The following GRM7 variants were observed in gnomAD, a reference collection of about 807,000 sequenced individuals.
The protein encoded by GRM7 is metabotropic glutamate receptor 7.
Under a neutral mutation model 84.5 loss-of-function variants are expected in GRM7, and 35 were observed. That is an observed-to-expected ratio of 0.41 (90% CI 0.32 to 0.55). The LOEUF is 0.55. GRM7 is among the 20% of genes least tolerant of loss of function. GRM7 has a pLI of 0.19. For missense variants in GRM7, 1,003 were observed against 1,194.6 expected (o/e 0.84, Z 2.36); for synonymous variants, 487 against 455.1 (o/e 1.07, Z -0.89).
intron 1 of GRM7, among the ~76,000 whole-genome samples, chr3:6,923,708 G>A (rs1356438055): frequency 6.6e-6 from 1 of 152,096 alleles, no homozygotes; most frequent in African/African-American, 2.4e-5. Context: ...CCCATTCTGT[G>A]AACTTTGCTC....
At chr3:7,734,718 T>A (rs1228326592) in intron 9 of GRM7, among the ~76,000 whole-genome samples, 1 of 152,226 alleles carries the variant, frequency 6.6e-6, no homozygotes, top group Non-Finnish European at 1.5e-5. Flanking sequence ...TCTCCATTGT[T>A]TTATAGTTCA....
chr3:7,335,410 G>A (rs114791414), intron 4 of GRM7, among the ~76,000 whole-genome samples: 6,037 of 151,954 alleles, frequency 0.04, 251 homozygotes, highest in African/African-American at 0.11. Context: ...CAGCAAAAGT[G>A]GTGATAATAA....
At chr3:6,889,339 G>T (rs560753692) in intron 1 of GRM7, among the ~76,000 whole-genome samples, 1 of 152,080 alleles carries the variant, frequency 6.6e-6, no homozygotes, top group African/African-American at 2.4e-5. Context: ...TCCAGTTTTC[G>T]TCCATTCAGT....
intron 1 of GRM7, among the ~76,000 whole-genome samples, chr3:7,009,721 G>A (rs370230084): frequency 6.6e-6 from 1 of 152,280 alleles, no homozygotes; most frequent in East Asian, 1.9e-4. Flanking sequence ...TCAGTTGATA[G>A]AAGTAGCTGT....
At chr3:6,868,654 A>G (rs1281485557) in intron 1 of GRM7, among the ~76,000 whole-genome samples, 3 of 152,194 alleles carry the variant, frequency 2.0e-5, no homozygotes, top group African/African-American at 4.8e-5. Context: ...CCCTTTCTAC[A>G]AACCTCAAGT....
At chr3:7,637,070 G>T (rs1370212817) in intron 8 of GRM7, among the ~76,000 whole-genome samples, 1 of 152,170 alleles carries the variant, frequency 6.6e-6, no homozygotes, top group Non-Finnish European at 1.5e-5. Context: ...TAAAAGAGTG[G>T]TTGGTAGAAA....
At chr3:6,903,762 C>T (rs1696475990) in intron 1 of GRM7, among the ~76,000 whole-genome samples, 1 of 152,146 alleles carries the variant, frequency 6.6e-6, no homozygotes, top group Admixed American at 6.5e-5. Flanking sequence ...TTCTCTTTAA[C>T]CGTATCCTTA....
At chr3:7,104,561 A>G (rs1699233275) in intron 1 of GRM7, among the ~76,000 whole-genome samples, 1 of 151,826 alleles carries the variant, frequency 6.6e-6, no homozygotes, top group Admixed American at 6.6e-5. Context: ...TTCACATCAT[A>G]AGATGGTACA....
chr3:7,315,196 C>T (rs1036765382), intron 4 of GRM7, among the ~76,000 whole-genome samples: 1 of 152,176 alleles, frequency 6.6e-6, no homozygotes, highest in Non-Finnish European at 1.5e-5. Context: ...TAGTTAGGCC[C>T]CTCATAACTG....
At chr3:7,147,765 C>A (rs1287903872) in intron 2 of GRM7, among the ~76,000 whole-genome samples, 1 of 152,128 alleles carries the variant, frequency 6.6e-6, no homozygotes. Flanking sequence ...CTGTGAAGAT[C>A]TGTGAGATTC....
chr3:6,956,480 T>A, intron 1 of GRM7: 2 of 444,694 alleles, frequency 4.5e-6, no homozygotes, highest in South Asian at 3.2e-5. Context: ...TTCATTCATT[T>A]TTTTCTTTTC....
intron 4 of GRM7, among the ~76,000 whole-genome samples, chr3:7,324,739 A>G (rs969341670): frequency 6.6e-6 from 1 of 151,920 alleles, no homozygotes; most frequent in East Asian, 1.9e-4. Flanking sequence ...TTTTTTTTCA[A>G]GTTCCCGGGA....
At position 7,661,794 on chromosome 3, in the gene GRM7, C is replaced by CAAAAAAAAAAAAAAAAA. The variant is rs71043686; in HGVS notation, c.2452-18245_2452-18229dup. On this transcript the variant is annotated intron_variant, in intron 8 of 9. Coordinates refer to ENST00000357716, the MANE Select transcript of GRM7 (RefSeq NM_000844.4). Reference sequence around the variant, plus strand: ...GGGCCACAGAGCGAGGTCTCCGTCTCAAAAAAAAAAAAAAAAAAAAAAAAA... The same window carrying CAAAAAAAAAAAAAAAAA: ...GGGCCACAGAGCGAGGTCTCCGTCTCAAAAAAAAAAAAAAAAAAAAAAAAAAAAAAAAAAAAAAAAAA... Among the ~76,000 whole-genome samples the CAAAAAAAAAAAAAAAAA allele has an allele frequency of 1.4e-3, 40 of 28,202 alleles. 5 individuals are homozygous for CAAAAAAAAAAAAAAAAA. Among genetic ancestry groups the CAAAAAAAAAAAAAAAAA allele is most frequent in the African/African-American group, 4.2e-3 (28 of 6,636 alleles). 18.5% of individuals were successfully genotyped at this position (28,202 alleles called of 152,430 possible).
At chr3:6,874,779 C>A (rs1368085988) in intron 1 of GRM7, among the ~76,000 whole-genome samples, 2 of 152,168 alleles carry the variant, frequency 1.3e-5, no homozygotes, top group South Asian at 4.1e-4. Context: ...CCCTATGACA[C>A]CCTAGCCTCA....
At chr3:7,248,804 G>A (rs1292679270) in intron 2 of GRM7, among the ~76,000 whole-genome samples, 1 of 152,038 alleles carries the variant, frequency 6.6e-6, no homozygotes, top group African/African-American at 2.4e-5. Context: ...GACTTATTTA[G>A]AAGACTAAAT....
At chr3:6,925,902 T>C (rs966833463) in intron 1 of GRM7, among the ~76,000 whole-genome samples, 1 of 152,112 alleles carries the variant, frequency 6.6e-6, no homozygotes, top group African/African-American at 2.4e-5. Context: ...TATTGTAGTG[T>C]TTTTCCTATA....
intron 2 of GRM7, among the ~76,000 whole-genome samples, chr3:7,244,888 G>A (rs1508718): frequency 0.9 from 136,677 of 152,046 alleles, 61,692 homozygotes; most frequent in East Asian, 0.98. Flanking sequence ...AATGACTTAA[G>A]CATAATCATT....
rs1699345827 is a variant in GRM7, at chr3:7,486,985, A to G, written c.1515+25263A>G. ...AGTTAAGTTGTGGTGACTGAAATGTAGATAGGAATATAGACAGTGAAGGTC... is the reference window on the plus strand; with the variant it reads ...AGTTAAGTTGTGGTGACTGAAATGTGGATAGGAATATAGACAGTGAAGGTC... On this transcript the variant is annotated intron_variant, in intron 7 of 9. Transcript: ENST00000357716. This position sits in a 1 kb window ranked among gnomAD's most constrained non-coding sequence, Gnocchi z 5.5. Among the ~76,000 whole-genome samples the G allele has an allele frequency of 6.6e-6, 1 of 152,218 alleles. No homozygotes were observed. The highest frequency in any genetic ancestry group is 2.4e-5 in the African/African-American group (1 of 41,460).
rs73810619 is a variant in GRM7, at chr3:7,408,704, C to T, written c.1034-6319C>T. On this transcript the variant is annotated intron_variant, in intron 4 of 9. Transcript: ENST00000357716. ...ACCTGTAACACTGCGCAAATGCTAG[C>T]GGGGCTACCTGCGGAACATGTCCTG... Among the ~76,000 whole-genome samples the T allele has an allele frequency of 7.5e-3, 1,148 of 152,252 alleles. 5 individuals carry two copies. The highest frequency in any genetic ancestry group is 0.023 in the South Asian group (112 of 4,828).
Sources: allele counts gnomAD v4.1 joint callset (sites outside exome capture counted in the v4.1 genomes callset), GRCh38; gene constraint gnomAD v4.1.1; non-coding constraint Gnocchi (gnomAD v3.1); transcripts MANE v1.5; gene names NCBI Gene and HGNC (gene_info 2026-07-23, HGNC 2026-07-21).